CLEC18A: variants seen among roughly 807,000 people sequenced by gnomAD.
The protein encoded by CLEC18A is mannose receptor-like 1.
CLEC18A carries 5 observed loss-of-function variants against 24.0 expected under a neutral mutation model. The ratio of observed to expected loss-of-function variants is 0.21; its 90% CI spans 0.11 to 0.44. The LOEUF (loss-of-function observed/expected upper bound fraction) is 0.44. CLEC18A is among the 20% of genes least tolerant of loss of function. CLEC18A has a pLI of 0.99. For missense variants in CLEC18A, 83 were observed against 233.4 expected, an observed-to-expected ratio of 0.36 and a Z score of 4.20; for synonymous variants, 29 against 100.1, an observed-to-expected ratio of 0.29 and a Z score of 4.24.
At chr16:69,950,478 C>T (rs1256474680), upstream of CLEC18A, among the ~76,000 whole-genome samples, 4 of 110,634 alleles carry the variant, frequency 3.6e-5, no homozygotes, top group Non-Finnish European at 8.6e-5. Flanking sequence ...ACGCCAGCCA[C>T]GGCCGGGCCA....
At chr16:69,956,193 G>A (rs1232607357) in intron 3 of CLEC18A, among the ~76,000 whole-genome samples, 2 of 139,420 alleles carry the variant, frequency 1.4e-5, no homozygotes, top group Admixed American at 7.0e-5. Context: ...ATTGCAGTGA[G>A]CTGAGACTGC....
chr16:69,966,425 C>A (rs547456796), downstream of CLEC18A, among the ~76,000 whole-genome samples: 1 of 132,906 alleles, frequency 7.5e-6, no homozygotes, highest in African/African-American at 2.6e-5. Context: ...GTAAAGAAGC[C>A]GCGGCCAAAA....
the CLEC18A span, among the ~76,000 whole-genome samples, chr16:69,945,516 AT>A: frequency 7.2e-5 from 11 of 152,188 alleles, no homozygotes; most frequent in Non-Finnish European, 1.2e-4. Context: ...CAGTTTTCAA[AT>A]TTTTTTTGAG....
chr16:69,965,022 GAAC>G (rs1340947028), downstream of CLEC18A, among the ~76,000 whole-genome samples: 1 of 151,610 alleles, frequency 6.6e-6, no homozygotes, highest in East Asian at 1.9e-4. Flanking sequence ...GGCTGGTCTC[GAAC>G]TCCCGTGCTC....
upstream of CLEC18A, among the ~76,000 whole-genome samples, chr16:69,948,666 A>G (rs1177926669): frequency 1.3e-5 from 2 of 148,832 alleles, no homozygotes; most frequent in Admixed American, 6.7e-5. Flanking sequence ...GAGGCTGCCC[A>G]TTCTCCAAAC....
chr16:69,945,532 A>G, the CLEC18A span, among the ~76,000 whole-genome samples: 1 of 152,160 alleles, frequency 6.6e-6, no homozygotes, highest in Admixed American at 6.5e-5. Context: ...TTTGAGATGG[A>G]TCTTGCTATA....
At chr16:69,954,105 C>T (rs1346085182) in intron 2 of CLEC18A, among the ~76,000 whole-genome samples, 1 of 137,512 alleles carries the variant, frequency 7.3e-6, no homozygotes, top group Non-Finnish European at 1.6e-5. Flanking sequence ...GAAGGATGCC[C>T]ACGACAGGAT....
chr16:69,955,373 C>T (rs1005367472), intron 3 of CLEC18A, among the ~76,000 whole-genome samples: 45 of 149,360 alleles, frequency 3.0e-4, no homozygotes, highest in African/African-American at 6.5e-4. Context: ...TTATTTGAGA[C>T]AAAGTCTTGT....
intron 10 of CLEC18A, 44 bp from the exon 11 acceptor site, chr16:69,962,932 C>T: frequency 7.2e-7 from 1 of 1,392,364 alleles, no homozygotes; most frequent in South Asian, 1.2e-5. Flanking sequence ...CTCCCGGTCC[C>T]TGACTTCACT....
chr16:69,963,006 A>T lies in CLEC18A; in HGVS notation c.1242A>T (p.Ser414=), dbSNP rs1266278206. 1 of 1,612,554 alleles carries T rather than the reference A, an allele frequency of 6.2e-7. No individual in the cohort carries two copies. Among genetic ancestry groups the T allele is most frequent in the African/African-American group, 1.3e-5 (1 of 74,748 alleles). ...GFGNCVELQA[S]AAFNWNDQRC... is the part of the protein sequence containing the mutation. Reference sequence around the variant, plus strand: ...GCAACTGCGTGGAGCTGCAGGCTTCAGCTGCCTTCAACTGGAACGACCAGC... The same window carrying T: ...GCAACTGCGTGGAGCTGCAGGCTTCTGCTGCCTTCAACTGGAACGACCAGC... Residue 414 remains serine (S), a synonymous_variant, in exon 11 of 12, where the codon TCA becomes TCT. Transcript: ENST00000288040.
intron 11 of CLEC18A, 118 bp downstream of exon 11, chr16:69,963,185 G>T: frequency 1.3e-6 from 1 of 751,908 alleles, no homozygotes; most frequent in Non-Finnish European, 2.4e-6. Context: ...GGCACACGGG[G>T]CCATAGAGGA....
At position 69,955,487 on chromosome 16, in the gene CLEC18A, A is replaced by G. The variant is rs528195372; in HGVS notation, c.456+914A>G. Among the ~76,000 whole-genome samples the G allele has an allele frequency of 1.6e-3, 235 of 151,444 alleles. 1 individual carries two copies. The highest frequency in any genetic ancestry group is 5.5e-3 in the African/African-American group (227 of 41,170). Reference sequence around the variant, plus strand: ...TGCCTCAGCCTCCCAAGTAGCTGGGACTACAGGCACGAGCCACCACACCCC... The same window carrying G: ...TGCCTCAGCCTCCCAAGTAGCTGGGGCTACAGGCACGAGCCACCACACCCC... On this transcript the variant is annotated intron_variant, in intron 3 of 11. Transcript: ENST00000288040.
At chr16:69,964,167 T>A (rs1255285328), downstream of CLEC18A, 5 of 134,150 alleles carry the variant, frequency 3.7e-5, no homozygotes, top group African/African-American at 1.4e-4. Flanking sequence ...AAGACCAGAC[T>A]CTGCCTCAGT....
rs2059003249 is a variant in CLEC18A, at chr16:69,954,443, A to T, written c.326A>T (p.Asn109Ile). ...GLWRTLQVGW[N>I]MQLLPAGLVS... ...TGGCGCACCCTGCAAGTGGGCTGGAACATGCAGCTGCTACCCGCGGGCTTG... is the reference window on the plus strand; with the variant it reads ...TGGCGCACCCTGCAAGTGGGCTGGATCATGCAGCTGCTACCCGCGGGCTTG... Residue 109 changes from asparagine (N) to isoleucine (I), a missense_variant, in exon 3 of 12, where the codon AAC becomes ATC. Coordinates refer to ENST00000288040, the MANE Select transcript of CLEC18A (RefSeq NM_001370523.4). 6.2e-7 allele frequency: 1 copy of T among 1,607,790 alleles called. No individual in the cohort carries two copies. The highest frequency in any genetic ancestry group is 2.2e-5 in the East Asian group (1 of 44,844).
At chr16:69,954,906 G>A (rs2059013253) in intron 3 of CLEC18A, among the ~76,000 whole-genome samples, 1 of 152,070 alleles carries the variant, frequency 6.6e-6, no homozygotes, top group East Asian at 1.9e-4. Flanking sequence ...TACCATGTTG[G>A]CCAGGTTGGT....
chr16:69,954,742 G>A (rs2059010622), intron 3 of CLEC18A, among the ~76,000 whole-genome samples, 169 bp downstream of exon 3: 1 of 152,000 alleles, frequency 6.6e-6, no homozygotes, highest in African/African-American at 2.4e-5. Flanking sequence ...CTGTTGCCCA[G>A]GCTAGAGTGC....
chr16:69,946,180 A>G (rs1242906431), upstream of CLEC18A, among the ~76,000 whole-genome samples: 2 of 98,344 alleles, frequency 2.0e-5, no homozygotes, highest in Non-Finnish European at 4.2e-5. Context: ...AGGCTGAGGC[A>G]GGAGAATCAC....
At chr16:69,944,831 G>A in the CLEC18A span, among the ~76,000 whole-genome samples, 168 of 115,884 alleles carry the variant, frequency 1.4e-3, 48 homozygotes, top group African/African-American at 5.7e-3. Context: ...GCGATACTCC[G>A]TCTCAAAAAA....
At chr16:69,954,654 T>G in intron 3 of CLEC18A, 81 bp downstream of exon 3, 1 of 1,564,836 alleles carries the variant, frequency 6.4e-7, no homozygotes, top group Non-Finnish European at 8.7e-7. Flanking sequence ...AGGCTACAGT[T>G]TGTCCTAAAT....
Sources: gnomAD v4.1 joint callset for allele counts (sites outside exome capture counted in the v4.1 genomes callset) on GRCh38, gnomAD v4.1.1 for gene constraint, MANE v1.5 for transcripts, NCBI Gene and HGNC (gene_info 2026-07-23, HGNC 2026-07-21) for gene names.